The following SLC28A1 variants were observed in gnomAD, a reference collection of about 807,000 sequenced individuals.
The protein encoded by SLC28A1 is sodium/nucleoside cotransporter 1.
Under a neutral mutation model 74.8 loss-of-function variants are expected in SLC28A1, and 64 were observed. That is an observed-to-expected ratio of 0.86 (90% CI 0.70 to 1.05). SLC28A1 has a LOEUF of 1.05. Among genes scored for constraint, SLC28A1 ranks in the 50% least tolerant of loss-of-function variants. SLC28A1 has a pLI of 0.00. For missense variants in SLC28A1, 828 were observed against 822.8 expected, an observed-to-expected ratio of 1.01 and a Z score of -0.08; for synonymous variants, 359 against 335.0, an observed-to-expected ratio of 1.07 and a Z score of -0.78.
At chr15:84,974,384 G>C in the SLC28A1 span, among the ~76,000 whole-genome samples, 1 of 152,182 alleles carries the variant, frequency 6.6e-6, no homozygotes, top group Admixed American at 6.5e-5. Flanking sequence ...TTGGTGTCAG[G>C]CAGGCCACGG....
At chr15:84,901,211 A>G (rs183908636) in intron 6 of SLC28A1, among the ~76,000 whole-genome samples, 119 of 151,952 alleles carry the variant, frequency 7.8e-4, no homozygotes, top group Non-Finnish European at 1.4e-3. Flanking sequence ...ACCTAATTTT[A>G]AAATGAGCTC....
intron 6 of SLC28A1, among the ~76,000 whole-genome samples, chr15:84,898,109 C>A (rs1328040431): frequency 6.7e-6 from 1 of 148,238 alleles, no homozygotes; most frequent in Non-Finnish European, 1.5e-5. Context: ...GTGCAGGTGT[C>A]TTTTCAATAT....
chr15:84,965,759 A>G, the SLC28A1 span, among the ~76,000 whole-genome samples: 1 of 152,182 alleles, frequency 6.6e-6, no homozygotes, highest in East Asian at 1.9e-4. Flanking sequence ...TGGGCAAGCC[A>G]GGATAGTTGG....
At chr15:84,917,544 G>A (rs950193864) in intron 9 of SLC28A1, among the ~76,000 whole-genome samples, 5 of 151,334 alleles carry the variant, frequency 3.3e-5, no homozygotes, top group Non-Finnish European at 7.4e-5. Context: ...GAGTAGCTGG[G>A]ACTATAGACA....
chr15:84,888,049 T>A (rs572668312), intron 3 of SLC28A1, among the ~76,000 whole-genome samples, 193 bp downstream of exon 3: 1 of 152,288 alleles, frequency 6.6e-6, no homozygotes, highest in Admixed American at 6.5e-5. Flanking sequence ...GACCCCTTTA[T>A]TTCACTCATT....
chr15:84,895,894 TGCCTCTCACTTTCCCAAA>T (rs1687162371), intron 6 of SLC28A1: 1 of 1,014,614 alleles, frequency 9.9e-7, no homozygotes, highest in South Asian at 4.0e-5. Flanking sequence ...GGTACAGGGG[TGCCTCTCACTTTCCCAAA>T]GTGAGATCCA....
At chr15:84,922,887 C>T (rs1970009545) in intron 11 of SLC28A1, among the ~76,000 whole-genome samples, 1 of 152,218 alleles carries the variant, frequency 6.6e-6, no homozygotes, top group African/African-American at 2.4e-5. Context: ...TCTCAGCCAA[C>T]CCTAACCTAA....
intron 9 of SLC28A1, among the ~76,000 whole-genome samples, chr15:84,917,494 G>C (rs1969278551): frequency 6.6e-6 from 1 of 151,454 alleles, no homozygotes; most frequent in Admixed American, 6.6e-5. Flanking sequence ...GCCTGGCCTT[G>C]AACTCCTGGG....
At chr15:84,909,915 A>T (rs1356965058) in intron 9 of SLC28A1, among the ~76,000 whole-genome samples, 1 of 152,020 alleles carries the variant, frequency 6.6e-6, no homozygotes, top group Non-Finnish European at 1.5e-5. Flanking sequence ...GAGTCTCCCC[A>T]CCCTGCTGGG....
chr15:84,889,592 G>C (rs1965041593), intron 4 of SLC28A1, among the ~76,000 whole-genome samples: 1 of 152,206 alleles, frequency 6.6e-6, no homozygotes, highest in South Asian at 2.1e-4. Context: ...ATGGGCAGGT[G>C]GATGAACGAC....
rs1596218043 is a variant in SLC28A1, at chr15:84,895,069, T to G, written c.407T>G (p.Leu136Arg). 6.2e-7 allele frequency: 1 copy of G among 1,600,170 alleles called. No homozygotes were observed. Among genetic ancestry groups the G allele is most frequent in the East Asian group, 2.2e-5 (1 of 44,612 alleles). Reference sequence around the variant, plus strand: ...CTGAAACGGCTTCTGGGGCCAAAGCTGAGGAGGTTTCTCAAGCCTCAGGGC... The same window carrying G: ...CTGAAACGGCTTCTGGGGCCAAAGCGGAGGAGGTTTCTCAAGCCTCAGGGC... ...RLLKRLLGPK[L>R]RRFLKPQGHP... The change falls in exon 6 of 19, where the codon CTG (leucine) becomes CGG (arginine). Residue 136 changes from leucine to arginine, a missense_variant. Coordinates refer to ENST00000394573, the MANE Select transcript of SLC28A1 (RefSeq NM_004213.5).
intron 11 of SLC28A1, among the ~76,000 whole-genome samples, 160 bp downstream of exon 11, chr15:84,921,229 G>C (rs1969796622): frequency 6.6e-6 from 1 of 152,176 alleles, no homozygotes; most frequent in Non-Finnish European, 1.5e-5. Context: ...TCTGTTTGGG[G>C]GATGCCTGGG....
At chr15:84,944,110 G>C (rs1432121440) in intron 16 of SLC28A1, among the ~76,000 whole-genome samples, 1 of 152,186 alleles carries the variant, frequency 6.6e-6, no homozygotes, top group Non-Finnish European at 1.5e-5. Flanking sequence ...CAGGCAGGCA[G>C]GCCTGGTGGG....
At chr15:84,938,855 G>C (rs1453979749) in intron 15 of SLC28A1, among the ~76,000 whole-genome samples, 1 of 152,180 alleles carries the variant, frequency 6.6e-6, no homozygotes, top group Non-Finnish European at 1.5e-5. Context: ...GATGAGCTAG[G>C]ACAAGCTGGG....
At chr15:84,930,377 G>T (rs1434949015) in intron 12 of SLC28A1, among the ~76,000 whole-genome samples, 4 of 152,214 alleles carry the variant, frequency 2.6e-5, no homozygotes, top group Non-Finnish European at 5.9e-5. Flanking sequence ...AGGGGCCCAG[G>T]CTTGCACACC....
chr15:84,955,468 A>G, the SLC28A1 span, among the ~76,000 whole-genome samples: 2 of 152,192 alleles, frequency 1.3e-5, no homozygotes, highest in Admixed American at 6.5e-5. Context: ...ATTTTTCCCA[A>G]TACAGAAGCT....
At chr15:84,946,455 GTTA>G (rs1345694543), downstream of SLC28A1, among the ~76,000 whole-genome samples, 2 of 151,998 alleles carry the variant, frequency 1.3e-5, no homozygotes, top group South Asian at 4.1e-4. Flanking sequence ...TGCAGTAGGT[GTTA>G]TTATTGTCAC....
chr15:84,922,751 A>T (rs1001485763), intron 11 of SLC28A1, among the ~76,000 whole-genome samples: 7 of 152,134 alleles, frequency 4.6e-5, no homozygotes, highest in Non-Finnish European at 1.0e-4. Flanking sequence ...CCCCGCGCCC[A>T]TCTGCAGCAG....
downstream of SLC28A1, among the ~76,000 whole-genome samples, chr15:84,948,774 T>G (rs2079316426): frequency 6.6e-6 from 1 of 152,208 alleles, no homozygotes; most frequent in African/African-American, 2.4e-5. Flanking sequence ...CTGCTTGAAA[T>G]CAAGCAGTCA....
Sources: gnomAD v4.1 joint callset for allele counts (sites outside exome capture counted in the v4.1 genomes callset) on GRCh38, gnomAD v4.1.1 for gene constraint, MANE v1.5 for transcripts, NCBI Gene and HGNC (gene_info 2026-07-23, HGNC 2026-07-21) for gene names.